The following CDH18 variants were observed in gnomAD, a reference collection of about 807,000 sequenced individuals.
CDH18 encodes the protein cadherin-18.
In CDH18, 31 loss-of-function variants were observed where a neutral mutation model predicts 67.9. The ratio of observed to expected loss-of-function variants is 0.46; its 90% CI spans 0.34 to 0.62. CDH18 has a LOEUF of 0.62. CDH18 is among the 20% of genes least tolerant of loss of function. The pLI, the probability that CDH18 is intolerant of heterozygous loss-of-function variation, is 0.01. For missense variants in CDH18, 890 were observed against 975.5 expected, an observed-to-expected ratio of 0.91 and a Z score of 1.17; for synonymous variants, 362 against 347.2, an observed-to-expected ratio of 1.04 and a Z score of -0.48.
intron 2 of CDH18, among the ~76,000 whole-genome samples, chr5:19,854,996 C>G (rs1451795861): frequency 1.3e-5 from 2 of 148,190 alleles, no homozygotes; most frequent in African/African-American, 4.9e-5. Context: ...ATTTGTCTGT[C>G]TATGCCTGGC....
chr5:20,189,825 T>G (rs1246977650), intron 2 of CDH18, among the ~76,000 whole-genome samples: 1 of 152,184 alleles, frequency 6.6e-6, no homozygotes, highest in Middle Eastern at 3.2e-3. Context: ...CTATGCCAGT[T>G]ATTTATTTGT....
chr5:20,029,493 T>C (rs992899644), intron 2 of CDH18, among the ~76,000 whole-genome samples: 2 of 152,204 alleles, frequency 1.3e-5, no homozygotes, highest in Non-Finnish European at 2.9e-5. Context: ...GTCTTGTCTT[T>C]CATTTAAGTG....
intron 10 of CDH18, among the ~76,000 whole-genome samples, chr5:19,503,603 G>A (rs569706570): frequency 1.3e-5 from 2 of 152,106 alleles, no homozygotes; most frequent in African/African-American, 2.4e-5. Context: ...TGTTACAGAC[G>A]AGGAGCCTGA....
chr5:20,265,896 T>C (rs1309828638), intron 1 of CDH18, among the ~76,000 whole-genome samples: 1 of 152,192 alleles, frequency 6.6e-6, no homozygotes, highest in Non-Finnish European at 1.5e-5. Context: ...AATTGGTAGC[T>C]AGTAAAGATG....
At chr5:20,142,716 C>T (rs1426918027) in intron 2 of CDH18, among the ~76,000 whole-genome samples, 1 of 152,014 alleles carries the variant, frequency 6.6e-6, no homozygotes, top group Admixed American at 6.6e-5. Context: ...GGGTGACAGT[C>T]TATAAGCCAA....
At chr5:20,012,127 C>G (rs1002917394) in intron 2 of CDH18, among the ~76,000 whole-genome samples, 1 of 151,642 alleles carries the variant, frequency 6.6e-6, no homozygotes, top group Admixed American at 6.6e-5. Context: ...CATTATTGGT[C>G]TGTTCCATGG....
intron 12 of CDH18, among the ~76,000 whole-genome samples, chr5:19,480,851 A>G (rs1348308555): frequency 6.6e-6 from 1 of 152,096 alleles, no homozygotes; most frequent in Non-Finnish European, 1.5e-5. Flanking sequence ...CCCAGGCTCA[A>G]GGGATCCTCT....
intron 2 of CDH18, among the ~76,000 whole-genome samples, chr5:20,031,875 C>G (rs1301885720): frequency 5.9e-5 from 9 of 152,012 alleles, no homozygotes; most frequent in Admixed American, 2.0e-4. Flanking sequence ...AATTCACCTT[C>G]TATCTGAAAG....
At chr5:20,539,514 T>C (rs1438544722) in intron 1 of CDH18, among the ~76,000 whole-genome samples, 1 of 152,008 alleles carries the variant, frequency 6.6e-6, no homozygotes, top group Non-Finnish European at 1.5e-5. Context: ...ATATTTTCCA[T>C]AGTGAAACAA....
chr5:20,285,920 A>C lies in CDH18; in HGVS notation c.-579-30415T>G, dbSNP rs184589216. 8.4e-3 allele frequency among the ~76,000 whole-genome samples: 1,273 copies of C among 151,762 alleles called. 8 individuals carry two copies. The highest frequency in any genetic ancestry group is 0.015 in the Non-Finnish European group (987 of 67,662). ...ATGTAGGTTAAATTTATTTTTAAAA[A>C]ATTAAAGACCTGTTCTGCATATCTT... On this transcript the variant is annotated intron_variant, in intron 1 of 14. Coordinates refer to the CDH18 transcript ENST00000507958.
chr5:19,905,490 C>T (rs1441548939), intron 2 of CDH18, among the ~76,000 whole-genome samples: 1 of 151,594 alleles, frequency 6.6e-6, no homozygotes, highest in Non-Finnish European at 1.5e-5. Flanking sequence ...ATATCCAATT[C>T]ATTAAAATAT....
chr5:19,800,728 C>T (rs1217015782), intron 3 of CDH18, among the ~76,000 whole-genome samples: 2 of 151,916 alleles, frequency 1.3e-5, no homozygotes, highest in African/African-American at 2.4e-5. Context: ...CTGGTTAAAA[C>T]AAAAATACTA....
chr5:19,538,082 A>G (rs920575326), intron 9 of CDH18, among the ~76,000 whole-genome samples: 4 of 152,212 alleles, frequency 2.6e-5, no homozygotes, highest in Non-Finnish European at 2.9e-5. Flanking sequence ...AAGAGTTGGA[A>G]TGAAAATATG....
At chr5:20,334,744 TCTCTCTCATA>T (rs1356154074) in intron 1 of CDH18, among the ~76,000 whole-genome samples, 5 of 134,376 alleles carry the variant, frequency 3.7e-5, no homozygotes, top group African/African-American at 1.6e-4. Context: ...TCTCTCTCTC[TCTCTCTCATA>T]CACACACACA....
chr5:20,273,734 T>C (rs1017916456), intron 1 of CDH18, among the ~76,000 whole-genome samples: 10 of 152,112 alleles, frequency 6.6e-5, no homozygotes, highest in Non-Finnish European at 1.5e-4. Context: ...ATTAAAGCTA[T>C]CAGTAAATAG....
chr5:20,573,405 C>G (rs1758918492), intron 1 of CDH18, among the ~76,000 whole-genome samples: 1 of 151,408 alleles, frequency 6.6e-6, no homozygotes, highest in East Asian at 1.9e-4. Context: ...ACCAGGAGGA[C>G]ACTGAACTGT....
intron 1 of CDH18, among the ~76,000 whole-genome samples, chr5:20,504,432 C>T (rs981574123): frequency 5.3e-5 from 8 of 152,056 alleles, no homozygotes; most frequent in African/African-American, 1.7e-4. Context: ...AACACGGCTT[C>T]GTGATTATTA....
intron 2 of CDH18, among the ~76,000 whole-genome samples, chr5:19,884,556 C>A: frequency 6.6e-6 from 1 of 150,796 alleles, no homozygotes; most frequent in East Asian, 1.9e-4. Flanking sequence ...GTATATTGTA[C>A]AATATTATTA....
At chr5:19,870,036 G>A (rs929800777) in intron 2 of CDH18, among the ~76,000 whole-genome samples, 11 of 152,096 alleles carry the variant, frequency 7.2e-5, no homozygotes, top group Non-Finnish European at 8.8e-5. Context: ...TTAAAGGACT[G>A]TAGCTTTGCC....
Sources: allele counts gnomAD v4.1 joint callset (sites outside exome capture counted in the v4.1 genomes callset), GRCh38; gene constraint gnomAD v4.1.1; transcripts MANE v1.5; gene names NCBI Gene and HGNC (gene_info 2026-07-23, HGNC 2026-07-21).